Variants in LRRC4C observed in about 807,000 individuals in gnomAD.
LRRC4C encodes leucine-rich repeat-containing protein 4C.
Under a neutral mutation model 33.6 loss-of-function variants are expected in LRRC4C, and 5 were observed. The ratio of observed to expected loss-of-function variants is 0.15; its 90% confidence interval spans 0.08 to 0.31. The LOEUF (loss-of-function observed/expected upper bound fraction) is 0.31, where lower values mean the gene tolerates loss of function less well. LRRC4C is among the 10% of genes least tolerant of loss of function. The pLI, the probability that LRRC4C is intolerant of heterozygous loss-of-function variation, is 1.00. For synonymous variants in LRRC4C, 329 were observed against 302.0 expected (o/e 1.09, Z -0.93); for missense variants, 560 against 796.7 (o/e 0.70, Z 3.58).
At chr11:41,313,824 G>A (rs1373330698) in intron 1 of LRRC4C, among the ~76,000 whole-genome samples, 1 of 152,120 alleles carries the variant, frequency 6.6e-6, no homozygotes, top group Non-Finnish European at 1.5e-5. Flanking sequence ...TCAGTGGCCT[G>A]CATATAAAAG....
intron 3 of LRRC4C, among the ~76,000 whole-genome samples, chr11:40,455,198 A>G (rs1293487447): frequency 6.6e-6 from 1 of 152,190 alleles, no homozygotes; most frequent in African/African-American, 2.4e-5. Context: ...ATGCTCCTGA[A>G]GCCCATATTT....
At chr11:41,356,532 CCTT>C (rs1022525268) in intron 1 of LRRC4C, among the ~76,000 whole-genome samples, 2 of 152,054 alleles carry the variant, frequency 1.3e-5, no homozygotes, top group African/African-American at 4.8e-5. Context: ...TGATCTTAAA[CCTT>C]AGACTCACAT....
chr11:40,174,263 C>A (rs565097466), intron 5 of LRRC4C, among the ~76,000 whole-genome samples: 25 of 152,236 alleles, frequency 1.6e-4, no homozygotes, highest in African/African-American at 6.0e-4. Context: ...CATCTCAAAT[C>A]AATTATTTGA....
chr11:41,425,799 A>G (rs1487645306), intron 1 of LRRC4C, among the ~76,000 whole-genome samples: 2 of 152,046 alleles, frequency 1.3e-5, no homozygotes, highest in Non-Finnish European at 2.9e-5. Flanking sequence ...TGATGTGCTC[A>G]AGTGTACAAG....
intron 2 of LRRC4C, among the ~76,000 whole-genome samples, chr11:40,875,006 G>A (rs956965336): frequency 1.3e-5 from 2 of 152,100 alleles, no homozygotes; most frequent in South Asian, 4.1e-4. Context: ...AATCAACATA[G>A]AAATCATTTC....
chr11:40,779,857 T>C (rs1056203361), intron 2 of LRRC4C, among the ~76,000 whole-genome samples: 1 of 152,146 alleles, frequency 6.6e-6, no homozygotes, highest in Non-Finnish European at 1.5e-5. Context: ...TGGATGACCA[T>C]TGGCTAACAT....
intron 1 of LRRC4C, among the ~76,000 whole-genome samples, chr11:41,196,431 T>G (rs1354113539): frequency 6.6e-6 from 1 of 152,026 alleles, no homozygotes; most frequent in Non-Finnish European, 1.5e-5. Flanking sequence ...AATCATAAAC[T>G]TACACAGTGA....
chr11:40,575,289 TC>T (rs1465286361), intron 3 of LRRC4C, among the ~76,000 whole-genome samples: 12 of 152,324 alleles, frequency 7.9e-5, no homozygotes, highest in Admixed American at 5.9e-4. Context: ...ATTCTCATTT[TC>T]TTTTATATTC....
intron 5 of LRRC4C, among the ~76,000 whole-genome samples, chr11:40,177,168 T>C (rs983852967): frequency 1.3e-5 from 2 of 152,032 alleles, no homozygotes; most frequent in Non-Finnish European, 2.9e-5. Flanking sequence ...TTAGCCAGGA[T>C]GGTCTTGATC....
At chr11:40,602,889 G>A (rs1960171065) in intron 3 of LRRC4C, among the ~76,000 whole-genome samples, 1 of 152,032 alleles carries the variant, frequency 6.6e-6, no homozygotes, top group African/African-American at 2.4e-5. Context: ...TTGGTCATTG[G>A]CCCAAGAAAT....
intron 1 of LRRC4C, among the ~76,000 whole-genome samples, chr11:41,432,011 T>C (rs1278255296): frequency 6.6e-6 from 1 of 152,184 alleles, no homozygotes; most frequent in Non-Finnish European, 1.5e-5. Context: ...CCATTGGCCA[T>C]GTGCCAAGAA....
chr11:41,070,608 A>ATATCC (rs1370292860), intron 1 of LRRC4C, among the ~76,000 whole-genome samples: 1 of 152,216 alleles, frequency 6.6e-6, no homozygotes, highest in African/African-American at 2.4e-5. Context: ...TGGGTAAAGG[A>ATATCC]TATGAACAAA....
At chr11:41,418,210 T>C (rs1954756642) in intron 1 of LRRC4C, among the ~76,000 whole-genome samples, 1 of 151,954 alleles carries the variant, frequency 6.6e-6, no homozygotes, top group Admixed American at 6.6e-5. Context: ...ATCCGATATG[T>C]TTAACCCTGA....
At chr11:40,143,477 G>A (rs535624936) in intron 5 of LRRC4C, among the ~76,000 whole-genome samples, 16 of 152,006 alleles carry the variant, frequency 1.1e-4, no homozygotes, top group African/African-American at 3.9e-4. Context: ...GCTCCTTATT[G>A]TTTCTCCTGC....
chr11:40,817,876 C>T (rs1210140809), intron 2 of LRRC4C, among the ~76,000 whole-genome samples: 1 of 152,090 alleles, frequency 6.6e-6, no homozygotes, highest in African/African-American at 2.4e-5. Context: ...TACTTCTATG[C>T]TTTTCTATCA....
chr11:40,465,172 C>T (rs1952591706), intron 3 of LRRC4C, among the ~76,000 whole-genome samples: 1 of 151,716 alleles, frequency 6.6e-6, no homozygotes, highest in African/African-American at 2.4e-5. Context: ...TATAGACAAC[C>T]AATCTTCAAC....
At chr11:41,372,038 G>A (rs1220653098) in intron 1 of LRRC4C, among the ~76,000 whole-genome samples, 1 of 152,236 alleles carries the variant, frequency 6.6e-6, no homozygotes, top group East Asian at 1.9e-4. Flanking sequence ...TCAGGAGGCT[G>A]AGGCAGGAGA....
At chr11:40,512,842 T>A (rs572993113) in intron 3 of LRRC4C, among the ~76,000 whole-genome samples, 1 of 152,270 alleles carries the variant, frequency 6.6e-6, no homozygotes, top group Admixed American at 6.5e-5. Flanking sequence ...GCTACCACAC[T>A]GCAGTAGCTG....
In LRRC4C at chr11:41,236,888, A is replaced by T. The variant is rs373058953; in HGVS notation, c.-496+222543T>A. ...GAATCATTGTAGTCTAGCTGCACACAAAAGCTAAATGTCCACAAATGCAAT... is the reference window on the plus strand; with the variant it reads ...GAATCATTGTAGTCTAGCTGCACACTAAAGCTAAATGTCCACAAATGCAAT... On this transcript the variant is annotated intron_variant, in intron 1 of 6. Coordinates refer to ENST00000528697, the MANE Select transcript of LRRC4C (RefSeq NM_001258419.2). Among the ~76,000 whole-genome samples the T allele has an allele frequency of 9.2e-5, 14 of 152,338 alleles. No individual in the cohort carries two copies. In the South Asian group the frequency reaches 2.7e-3, roughly 29 times the overall value.
Sources: gnomAD v4.1 joint callset for allele counts (sites outside exome capture counted in the v4.1 genomes callset) on GRCh38, gnomAD v4.1.1 for gene constraint, MANE v1.5 for transcripts, NCBI Gene and HGNC (gene_info 2026-07-23, HGNC 2026-07-21) for gene names.